The following AUTS2 variants were observed in gnomAD, a reference collection of about 807,000 sequenced individuals.
AUTS2 encodes activator of transcription and developmental regulator AUTS2.
A neutral mutation model predicts 112.4 loss-of-function variants in AUTS2; 17 were observed. The ratio of observed to expected loss-of-function variants is 0.15; its 90% CI spans 0.10 to 0.23. The LOEUF is 0.23. Among genes scored for constraint, AUTS2 ranks in the 10% least tolerant of loss-of-function variants. The probability of loss-of-function intolerance (pLI) is 1.00; values close to 1 mark genes in which losing one functional copy is unlikely to be tolerated. For missense variants in AUTS2, 1,510 were observed against 1,701.6 expected (o/e 0.89, Z 1.98); for synonymous variants, 751 against 702.7 (o/e 1.07, Z -1.09).
intron 6 of AUTS2, among the ~76,000 whole-genome samples, chr7:70,708,433 CT>C (rs1809855317): frequency 1.3e-5 from 2 of 152,160 alleles, no homozygotes; most frequent in Non-Finnish European, 2.9e-5. Context: ...GAAATGAATT[CT>C]TTTCATTCAC....
At chr7:70,351,421 TTATC>T (rs1319955883) in intron 4 of AUTS2, among the ~76,000 whole-genome samples, 5 of 152,226 alleles carry the variant, frequency 3.3e-5, no homozygotes, top group Non-Finnish European at 7.3e-5. Flanking sequence ...CACATTTTCT[TTATC>T]TATTCATCCA....
At chr7:69,960,188 C>T (rs2129546872) in intron 2 of AUTS2, among the ~76,000 whole-genome samples, 1 of 152,220 alleles carries the variant, frequency 6.6e-6, no homozygotes, top group African/African-American at 2.4e-5. Context: ...GGTCTATTTT[C>T]CCTCTTTGCC....
At chr7:70,079,180 C>G (rs1325914149) in intron 2 of AUTS2, among the ~76,000 whole-genome samples, 1 of 152,192 alleles carries the variant, frequency 6.6e-6, no homozygotes, top group East Asian at 1.9e-4. Flanking sequence ...CAAATACCAT[C>G]TGCCAATGAC....
chr7:69,997,977 C>G (rs1397726488), intron 2 of AUTS2, among the ~76,000 whole-genome samples: 1 of 152,148 alleles, frequency 6.6e-6, no homozygotes. Flanking sequence ...AAAGCAGGAG[C>G]AATTTAACAT....
At chr7:70,025,450 CTTTT>C (rs970909285) in intron 2 of AUTS2, among the ~76,000 whole-genome samples, 2 of 134,482 alleles carry the variant, frequency 1.5e-5, no homozygotes, top group African/African-American at 2.7e-5. Context: ...TTTTTGTTTC[CTTTT>C]TTTTTTTTTT....
chr7:70,208,521 T>G (rs946761276), intron 4 of AUTS2, among the ~76,000 whole-genome samples: 3 of 152,102 alleles, frequency 2.0e-5, no homozygotes, highest in African/African-American at 7.2e-5. Context: ...TAAAAAAAAT[T>G]TATATTAAGC....
chr7:69,846,455 G>A (rs1238435283), intron 1 of AUTS2, among the ~76,000 whole-genome samples: 1 of 152,100 alleles, frequency 6.6e-6, no homozygotes, highest in Non-Finnish European at 1.5e-5. Context: ...CTGGCATTGG[G>A]CCCAGAATCC....
intron 14 of AUTS2, among the ~76,000 whole-genome samples, chr7:70,779,397 C>T (rs929230162): frequency 3.3e-5 from 5 of 152,158 alleles, no homozygotes; most frequent in African/African-American, 1.2e-4. Flanking sequence ...TCCTTCCTGG[C>T]GTCTAGTTGC....
At chr7:70,311,519 A>G (rs981120966) in intron 4 of AUTS2, among the ~76,000 whole-genome samples, 21 of 152,034 alleles carry the variant, frequency 1.4e-4, no homozygotes, top group African/African-American at 4.6e-4. Flanking sequence ...CCCAAGGCCT[A>G]TGGGGAAATC....
chr7:70,427,982 T>G (rs937939655), intron 4 of AUTS2, among the ~76,000 whole-genome samples: 3 of 152,226 alleles, frequency 2.0e-5, no homozygotes, highest in African/African-American at 7.2e-5. Context: ...AATGGGCTCA[T>G]TAGTGATTAC....
At chr7:70,774,144 T>C (rs565956138) in intron 12 of AUTS2, 45 bp downstream of exon 12, 17 of 1,590,604 alleles carry the variant, frequency 1.1e-5, no homozygotes, top group South Asian at 9.9e-5. Context: ...CCAGGGTGTG[T>C]GTGTTTGCAC....
rs559157530 is a variant in AUTS2, at chr7:70,011,185, C to T, written c.523-106947C>T. Among the ~76,000 whole-genome samples the T allele has an allele frequency of 3.3e-5, 5 of 152,254 alleles. No homozygotes were observed. The East Asian group carries it at 9.6e-4, about 29-fold the overall frequency. On this transcript the variant is annotated intron_variant, in intron 2 of 18. Transcript: ENST00000342771. ...GAGCCACTGAGGATGGAAAAGGTCACTCAGTCTTTTTTGCTGATGAAAAAA... is the reference window on the plus strand; with the variant it reads ...GAGCCACTGAGGATGGAAAAGGTCATTCAGTCTTTTTTGCTGATGAAAAAA...
intron 2 of AUTS2, among the ~76,000 whole-genome samples, chr7:70,116,800 T>C (rs1337541045): frequency 1.3e-5 from 2 of 152,214 alleles, no homozygotes; most frequent in Non-Finnish European, 2.9e-5. Context: ...CCCTGGCTAC[T>C]TTTTGGTTTC....
At chr7:69,641,751 C>G (rs1489248996) in intron 1 of AUTS2, among the ~76,000 whole-genome samples, 1 of 152,186 alleles carries the variant, frequency 6.6e-6, no homozygotes, top group African/African-American at 2.4e-5. Flanking sequence ...TTCTTTCACA[C>G]AAATGTTCCA....
chr7:69,612,807 C>T (rs1168766656), intron 1 of AUTS2, among the ~76,000 whole-genome samples: 2 of 152,046 alleles, frequency 1.3e-5, no homozygotes, highest in African/African-American at 2.4e-5. Context: ...TAAATGTAAC[C>T]CCTGCACTCT....
intron 5 of AUTS2, among the ~76,000 whole-genome samples, chr7:70,553,737 C>T (rs1424098438): frequency 6.8e-6 from 1 of 147,012 alleles, no homozygotes; most frequent in African/African-American, 2.5e-5. Flanking sequence ...TATTGGGAGA[C>T]CTTGAGAAAG....
chr7:70,388,211 C>T (rs1488347097), intron 4 of AUTS2, among the ~76,000 whole-genome samples: 2 of 152,070 alleles, frequency 1.3e-5, no homozygotes, highest in African/African-American at 2.4e-5. Context: ...TTTCTCTCTC[C>T]TTTGATTTTC....
intron 5 of AUTS2, among the ~76,000 whole-genome samples, chr7:70,593,834 T>G (rs560464541): frequency 1.3e-5 from 2 of 152,266 alleles, no homozygotes; most frequent in East Asian, 3.9e-4. Flanking sequence ...GACCAGTCAC[T>G]TGAACAGCTC....
chr7:69,907,702 A>G (rs1423462352), intron 2 of AUTS2, among the ~76,000 whole-genome samples: 1 of 152,246 alleles, frequency 6.6e-6, no homozygotes, highest in East Asian at 1.9e-4. Context: ...CAACTGTATC[A>G]TATTCAAGTT....
Sources: gnomAD v4.1 joint callset for allele counts (sites outside exome capture counted in the v4.1 genomes callset) on GRCh38, gnomAD v4.1.1 for gene constraint, MANE v1.5 for transcripts, NCBI Gene and HGNC (gene_info 2026-07-23, HGNC 2026-07-21) for gene names.